The following CNKSR3 variants were observed in gnomAD, a reference collection of about 807,000 sequenced individuals.
CNKSR3 encodes the protein connector enhancer of kinase suppressor of ras 3.
A neutral mutation model predicts 67.7 loss-of-function variants in CNKSR3; 36 were observed. That is an observed-to-expected ratio of 0.53 (90% CI 0.41 to 0.70). CNKSR3 has a LOEUF of 0.70. CNKSR3 is among the 30% of genes least tolerant of loss of function. The pLI, the probability that CNKSR3 is intolerant of heterozygous loss-of-function variation, is 0.00. For synonymous variants in CNKSR3, 281 were observed against 271.4 expected, an observed-to-expected ratio of 1.04 and a Z score of -0.35; for missense variants, 630 against 695.2, an observed-to-expected ratio of 0.91 and a Z score of 1.05.
chr6:154,458,364 C>T (rs1271419941), intron 1 of CNKSR3, among the ~76,000 whole-genome samples: 1 of 152,074 alleles, frequency 6.6e-6, no homozygotes, highest in Non-Finnish European at 1.5e-5. Context: ...AAATGCTCCC[C>T]CCTCCCCTAA....
intron 1 of CNKSR3, among the ~76,000 whole-genome samples, chr6:154,463,100 C>CT (rs1028624720): frequency 1.3e-5 from 2 of 150,116 alleles, no homozygotes; most frequent in African/African-American, 4.9e-5. Flanking sequence ...TCACCTTTTT[C>CT]TTTTTTTCTT....
intron 4 of CNKSR3, among the ~76,000 whole-genome samples, chr6:154,434,579 T>C (rs1225262641): frequency 2.0e-5 from 3 of 152,224 alleles, no homozygotes; most frequent in Non-Finnish European, 4.4e-5. Flanking sequence ...CAGACTTTTA[T>C]TGTCTTCTTA....
intron 9 of CNKSR3, among the ~76,000 whole-genome samples, chr6:154,416,863 C>G (rs2128712781): frequency 6.6e-6 from 1 of 152,266 alleles, no homozygotes; most frequent in South Asian, 2.1e-4. Context: ...AATTATCTCC[C>G]TGTGTCACAA....
intron 1 of CNKSR3, among the ~76,000 whole-genome samples, chr6:154,495,091 C>A (rs778906853): frequency 2.0e-5 from 3 of 152,144 alleles, no homozygotes; most frequent in Non-Finnish European, 4.4e-5. Flanking sequence ...AGCTTGAGGA[C>A]CTGAATTTTA....
intron 9 of CNKSR3, among the ~76,000 whole-genome samples, chr6:154,419,740 A>G (rs1230818711): frequency 6.6e-6 from 1 of 152,136 alleles, no homozygotes; most frequent in Non-Finnish European, 1.5e-5. Context: ...GGATAAGGAA[A>G]ATGTGGTGTA....
intron 1 of CNKSR3, among the ~76,000 whole-genome samples, chr6:154,489,006 G>A (rs1047746885): frequency 5.9e-5 from 9 of 152,142 alleles, no homozygotes; most frequent in East Asian, 1.9e-4. Context: ...AGGGGAGGGC[G>A]AGCGGCCACA....
At chr6:154,425,957 A>G (rs938534461) in intron 7 of CNKSR3, among the ~76,000 whole-genome samples, 1 of 152,228 alleles carries the variant, frequency 6.6e-6, no homozygotes, top group Non-Finnish European at 1.5e-5. Context: ...ACCCAACATT[A>G]AGAATAAAAT....
chr6:154,420,646 G>A (rs865884456), intron 9 of CNKSR3, among the ~76,000 whole-genome samples: 16 of 127,426 alleles, frequency 1.3e-4, no homozygotes, highest in Non-Finnish European at 1.9e-4. Context: ...CCGAGATCCC[G>A]CCACTGCACT....
At chr6:154,462,967 G>A (rs905865406) in intron 1 of CNKSR3, among the ~76,000 whole-genome samples, 4 of 152,160 alleles carry the variant, frequency 2.6e-5, no homozygotes, top group African/African-American at 9.7e-5. Flanking sequence ...GAGAAAAAAA[G>A]GAAGGAAAAG....
rs185149390 is a variant in CNKSR3 at position 154,407,917 on chromosome 6, C to T, written c.1370-1265G>A. ...AAAACCTAAATTTCCAACAGTGGCA[C>T]GTTGAATAAATAGGCGCTAGAGCCA... is the stretch of plus-strand genomic sequence containing the variant. On this transcript the variant is annotated intron_variant, in intron 12 of 12. Coordinates refer to ENST00000607772, the MANE Select transcript of CNKSR3 (RefSeq NM_173515.4). Among the ~76,000 whole-genome samples, 715 of 135,780 alleles carry T rather than the reference C, an allele frequency of 5.3e-3. 5 individuals carry two copies. The highest frequency in any genetic ancestry group is 0.013 in the African/African-American group (481 of 35,976). The allele number at this position is 135,780 out of a possible 152,430, so 89.1% of individuals were successfully genotyped here.
chr6:154,416,452 GA>G (rs1225140283), intron 9 of CNKSR3, among the ~76,000 whole-genome samples: 2 of 152,176 alleles, frequency 1.3e-5, no homozygotes, highest in Non-Finnish European at 2.9e-5. Context: ...GACCATATCT[GA>G]AAACATGAGG....
Position 154,406,531 on chromosome 6 carries a change from C to T in CNKSR3, c.1491G>A (p.Ala497=), listed in dbSNP as rs1784793316. 5.6e-6 allele frequency: 9 copies of T among 1,614,076 alleles called. No homozygotes were observed. The Admixed American group carries it at 1.5e-4, about 27-fold the overall frequency. The change falls in exon 13 of 13, where the codon GCG becomes GCA. Residue 497 remains alanine (A), a synonymous_variant. Transcript: ENST00000607772. ...AGCACCTGCTTCCTCGGATGTAGTC[C>T]GCACCCCGGACCAGATGCCGCTCGG... The part of the protein sequence containing the change: ...PTTERHLVRG[A]DYIRGSRCYI...
chr6:154,454,104 CAGAGAGAGAGAGAGAGAGAGAG>C lies in CNKSR3; in HGVS notation c.53-3868_53-3847del, dbSNP rs71021054. ...GAAAACACACACACACACACACACACAGAGAGAGAGAGAGAGAGAGAGAGAGAGAGAGAGAGAGAGATAAGAG... is the reference window on the plus strand; with the variant it reads ...GAAAACACACACACACACACACACACAGAGAGAGAGAGAGAGAGATAAGAG... On this transcript the variant is annotated intron_variant, in intron 1 of 12. Transcript: ENST00000607772. Among the ~76,000 whole-genome samples, 16 of 116,290 alleles carry C rather than the reference CAGAGAGAGAGAGAGAGAGAGAG, an allele frequency of 1.4e-4. 2 individuals are homozygous for C. Among genetic ancestry groups the C allele is most frequent in the South Asian group, 6.3e-4 (2 of 3,190 alleles). The allele number at this position is 116,290 out of a possible 152,430, so 76.3% of individuals were successfully genotyped here. A position where few individuals can be genotyped will look rare whatever the true frequency, so the allele number is the denominator to read the frequency against.
chr6:154,501,384 A>C (rs1365769954), intron 1 of CNKSR3, among the ~76,000 whole-genome samples: 1 of 152,152 alleles, frequency 6.6e-6, no homozygotes, highest in Non-Finnish European at 1.5e-5. Flanking sequence ...TTAAAAAATA[A>C]AAATAAAAAA....
chr6:154,487,072 C>T (rs1430793469), intron 1 of CNKSR3, among the ~76,000 whole-genome samples: 2 of 152,200 alleles, frequency 1.3e-5, no homozygotes, highest in Non-Finnish European at 2.9e-5. Context: ...CCACCACACC[C>T]AGCTAATTTT....
chr6:154,420,123 T>C (rs1474547262), intron 9 of CNKSR3, among the ~76,000 whole-genome samples: 27 of 151,476 alleles, frequency 1.8e-4, no homozygotes, highest in Admixed American at 1.8e-3. Context: ...GGAAATCCTA[T>C]CATGTGTGAC....
chr6:154,397,821 C>T lies in CNKSR3; in HGVS notation c.*8533G>A, dbSNP rs986396748. On this transcript the variant is annotated 3_prime_UTR_variant, in exon 13 of 13. Transcript: ENST00000607772. ...ACTGTGATGGAATTAACAGGGTAGGCCCTGGAAGATGAGTAAAAGCAAATC... is the reference window on the plus strand; with the variant it reads ...ACTGTGATGGAATTAACAGGGTAGGTCCTGGAAGATGAGTAAAAGCAAATC... 1.2e-4 allele frequency: 17 copies of T among 146,938 alleles called. No individual in the cohort carries two copies. The highest frequency in any genetic ancestry group is 3.3e-4 in the African/African-American group (13 of 39,274). The allele number at this position is 146,938 out of a possible 1,614,324, so 9.1% of individuals were successfully genotyped here. A position where few individuals can be genotyped will look rare whatever the true frequency, so the allele number is the denominator to read the frequency against.
At chr6:154,503,315 A>AT (rs201100794) in intron 1 of CNKSR3, among the ~76,000 whole-genome samples, 12 of 151,486 alleles carry the variant, frequency 7.9e-5, no homozygotes, top group East Asian at 1.9e-4. Context: ...TGTGTTAAAG[A>AT]TTTTTTTTTA....
At chr6:154,451,136 GCTTA>G (rs1785817014) in intron 1 of CNKSR3, among the ~76,000 whole-genome samples, 1 of 75,022 alleles carries the variant, frequency 1.3e-5, no homozygotes, top group African/African-American at 5.9e-5. Context: ...AAATGGGTTC[GCTTA>G]CGGGAATTTT....
Sources: allele counts gnomAD v4.1 joint callset (sites outside exome capture counted in the v4.1 genomes callset), GRCh38; gene constraint gnomAD v4.1.1; transcripts MANE v1.5; gene names NCBI Gene and HGNC (gene_info 2026-07-23, HGNC 2026-07-21).